Variants in FN1 observed in about 807,000 individuals in gnomAD.
The protein encoded by FN1 is fibronectin.
FN1 carries 106 observed loss-of-function variants against 297.3 expected under a neutral mutation model. The ratio of observed to expected loss-of-function variants is 0.36; its 90% CI spans 0.30 to 0.42. FN1 has a LOEUF of 0.42. Among genes scored for constraint, FN1 ranks in the 10% least tolerant of loss-of-function variants. The probability of loss-of-function intolerance (pLI) is 1.00; values close to 1 mark genes in which losing one functional copy is unlikely to be tolerated. For synonymous variants in FN1, 1,149 were observed against 1,152.6 expected (o/e 1.00, Z 0.06); for missense variants, 2,690 against 3,124.9 (o/e 0.86, Z 3.32).
intron 12 of FN1, 93 bp downstream of exon 12, chr2:215,419,149 A>T: frequency 9.5e-7 from 1 of 1,049,132 alleles, no homozygotes; most frequent in Non-Finnish European, 1.5e-6. Flanking sequence ...AAGAGGGGAG[A>T]CCCCCAACTT....
Position 215,384,190 on chromosome 2 carries a change from T to G in FN1, c.4730-6A>C, listed in dbSNP as rs1013671283. 6.2e-7 allele frequency: 1 copy of G among 1,614,078 alleles called. No individual in the cohort carries two copies. The highest frequency in any genetic ancestry group is 8.5e-7 in the Non-Finnish European group (1 of 1,179,946). On this transcript the variant is annotated splice_polypyrimidine_tract_variant and splice_region_variant and intron_variant, in intron 29 of 45. Transcript: ENST00000354785. ...CTGGACAGGGCTATTTCCTCCTGTATGAAAAAGGGTTAGTTCAGAGTGTGA... is the reference window on the plus strand; with the variant it reads ...CTGGACAGGGCTATTTCCTCCTGTAGGAAAAAGGGTTAGTTCAGAGTGTGA...
In FN1 at chr2:215,436,018, T is replaced by A; in HGVS notation, c.-216A>T. ...GTGGCTGCAGGTCCCCTCTTCCCGC[T>A]CGCGCCTGGGGTTCCCTCTCCTCCC... On this transcript the variant is annotated 5_prime_UTR_variant, in exon 1 of 46. Coordinates refer to ENST00000354785, the MANE Select transcript of FN1 (RefSeq NM_212482.4). 1 of 1,074,468 alleles carries A rather than the reference T, an allele frequency of 9.3e-7. No individual in the cohort carries two copies. Among genetic ancestry groups the A allele is most frequent in the Non-Finnish European group, 1.3e-6 (1 of 778,248 alleles). The allele number at this position is 1,074,468 out of a possible 1,614,324, so 66.6% of individuals were successfully genotyped here.
chr2:215,435,622 G>A lies in FN1; in HGVS notation c.148+33C>T, dbSNP rs749305689. 1.2e-5 allele frequency: 19 copies of A among 1,612,644 alleles called. No individual in the cohort carries two copies. The South Asian group carries it at 2.1e-4, about 18-fold the overall frequency. On this transcript the variant is annotated intron_variant, in intron 1 of 45. Transcript: ENST00000354785. ...GTCGGCTTTAGGGTCCCATCCCTGA[G>A]GCAGCCTGTTTCAGCCCGCGGTCAG...
intron 26 of FN1, among the ~76,000 whole-genome samples, chr2:215,390,595 G>A (rs1968508): frequency 1 from 152,285 of 152,300 alleles, 76,135 homozygotes; most frequent in Middle Eastern, 1. Context: ...CACATGATTA[G>A]CATGTGACAG....
At position 215,388,270 on chromosome 2, in the gene FN1, A is replaced by G; in HGVS notation, c.4284T>C (p.Ser1428=). The G allele has an allele frequency of 6.2e-7, 1 of 1,613,930 alleles. No individual in the cohort carries two copies. Among genetic ancestry groups the G allele is most frequent in the South Asian group, 1.1e-5 (1 of 91,086 alleles). ...NLLPGTEYVV[S]VSSVYEQHES... ...CATGTTGTTCGTAGACACTGGAGAC[A>G]CTCACTACATATTCTGTACCAGGCA... is the stretch of plus-strand genomic sequence containing the variant. The change falls in exon 27 of 46, where the codon AGT becomes AGC. Residue 1428 remains serine, a synonymous_variant. Transcript: ENST00000354785.
chr2:215,425,218 G>C lies in FN1; in HGVS notation c.912C>G (p.Pro304=). ...YQPQPHPQPP[P]YGHCVTDSGV... ...CACTGTCTGTGACACAGTGGCCATAGGGAGGAGGCTGGGGGTGAGGCTGCG... is the reference window on the plus strand; with the variant it reads ...CACTGTCTGTGACACAGTGGCCATACGGAGGAGGCTGGGGGTGAGGCTGCG... The change falls in exon 7 of 46, where the codon CCC becomes CCG. Residue 304 remains proline, a synonymous_variant. Coordinates refer to ENST00000354785, the MANE Select transcript of FN1 (RefSeq NM_212482.4). 6.2e-7 allele frequency: 1 copy of C among 1,614,058 alleles called. No homozygotes were observed. The highest frequency in any genetic ancestry group is 2.2e-5 in the East Asian group (1 of 44,884).
chr2:215,431,798 A>AT, intron 4 of FN1, 35 bp downstream of exon 4: 1 of 1,612,840 alleles, frequency 6.2e-7, no homozygotes, highest in Non-Finnish European at 8.5e-7. Flanking sequence ...AGAACTAAGC[A>AT]TCCCAGCTCT....
intron 28 of FN1, among the ~76,000 whole-genome samples, chr2:215,386,307 C>T (rs1466400270): frequency 6.6e-6 from 1 of 151,602 alleles, no homozygotes; most frequent in African/African-American, 2.4e-5. Flanking sequence ...GAACTTCTGA[C>T]CTCAAGTGAT....
intron 44 of FN1, 51 bp from the exon 45 acceptor site, chr2:215,362,130 C>T: frequency 7.3e-7 from 1 of 1,377,402 alleles, no homozygotes; most frequent in Non-Finnish European, 1.0e-6. Flanking sequence ...AACCTGAGGA[C>T]ATCGTAATTT....
In FN1 at chr2:215,383,340, T is replaced by C. The variant is rs1320678281; in HGVS notation, c.5038A>G (p.Thr1680Ala). 1 of 1,613,990 alleles carries C rather than the reference T, an allele frequency of 6.2e-7. No homozygotes were observed. Among genetic ancestry groups the C allele is most frequent in the African/African-American group, 1.3e-5 (1 of 74,974 alleles). ...KNGPGPTKTK[T>A]AGPDQTEMTI... ...AGATGATTCTTACCTGGACCTGCAG[T>C]TTTAGTTTTTGTTGGTCCTGGTCCA... Residue 1680 changes from threonine to alanine, a missense_variant, in exon 31 of 46, where the codon ACT becomes GCT. Thr to Ala is a moderately conservative substitution (Grantham distance 58). Coordinates refer to ENST00000354785, the MANE Select transcript of FN1 (RefSeq NM_212482.4).
chr2:215,411,598 T>C (rs555054380), intron 13 of FN1, among the ~76,000 whole-genome samples: 5 of 152,218 alleles, frequency 3.3e-5, no homozygotes, highest in South Asian at 2.1e-4. Flanking sequence ...CCCTGAATTT[T>C]TGTAATTGTT....
chr2:215,409,513 G>T, intron 15 of FN1, 50 bp downstream of exon 15: 1 of 1,588,548 alleles, frequency 6.3e-7, no homozygotes, highest in Non-Finnish European at 8.6e-7. Flanking sequence ...CACAAGGAGA[G>T]TTTTCCAGCA....
chr2:215,389,125 A>T (rs2059394608), intron 26 of FN1, among the ~76,000 whole-genome samples: 1 of 151,918 alleles, frequency 6.6e-6, no homozygotes, highest in African/African-American at 2.4e-5. Flanking sequence ...TTTCTTTTTG[A>T]CGAGGTTTTA....
Position 215,386,707 on chromosome 2 carries a change from T to C in FN1, c.4594A>G (p.Ile1532Val). ...AAGTTACCTGTTGATTGTTGGCCAA[T>C]CAATAAGGGACTTTCCTCTCTGCCA... The part of the protein sequence containing the change: ...LNGREESPLL[I>V]GQQSTVSDVP... The change falls in exon 28 of 46, where the codon ATT (isoleucine) becomes GTT (valine). Residue 1532 changes from isoleucine to valine, a missense_variant. Coordinates refer to ENST00000354785, the MANE Select transcript of FN1 (RefSeq NM_212482.4). The C allele has an allele frequency of 1.9e-6, 3 of 1,611,886 alleles. No individual in the cohort carries two copies. The highest frequency in any genetic ancestry group is 2.5e-6 in the Non-Finnish European group (3 of 1,179,376).
chr2:215,384,211 T>C, intron 29 of FN1, 27 bp from the exon 30 acceptor site: 1 of 1,612,706 alleles, frequency 6.2e-7, no homozygotes, highest in Non-Finnish European at 8.5e-7. Flanking sequence ...TAGTTCAGAG[T>C]GTGAGGGGTT....
At chr2:215,365,733 T>C (rs1263897358) in intron 42 of FN1, 103 bp from the exon 43 acceptor site, 1 of 1,016,616 alleles carries the variant, frequency 9.8e-7, no homozygotes, top group African/African-American at 1.6e-5. Flanking sequence ...AGAACCATGA[T>C]CTGGAAAAAT....
At chr2:215,373,185 A>C in intron 39 of FN1, 137 bp downstream of exon 39, 1 of 700,702 alleles carries the variant, frequency 1.4e-6, no homozygotes, top group Non-Finnish European at 2.6e-6. Context: ...AGAATACAAT[A>C]TATACACTAT....
At chr2:215,368,732 A>G (rs1426004871) in intron 41 of FN1, among the ~76,000 whole-genome samples, 2 of 152,178 alleles carry the variant, frequency 1.3e-5, no homozygotes, top group Non-Finnish European at 2.9e-5. Context: ...AGTGAGGTCA[A>G]CTGTTCCAAA....
intron 42 of FN1, among the ~76,000 whole-genome samples, chr2:215,366,410 A>G (rs2054612915): frequency 6.6e-6 from 1 of 152,184 alleles, no homozygotes; most frequent in Non-Finnish European, 1.5e-5. Context: ...TGATCTCTAC[A>G]CGCCACCACC....
Sources: allele counts gnomAD v4.1 joint callset (sites outside exome capture counted in the v4.1 genomes callset), GRCh38; gene constraint gnomAD v4.1.1; transcripts MANE v1.5; gene names NCBI Gene and HGNC (gene_info 2026-07-23, HGNC 2026-07-21).